The following CCDC146 variants were observed in gnomAD, a reference collection of about 807,000 sequenced individuals.
CCDC146 encodes coiled-coil domain containing 146.
Under a neutral mutation model 119.3 loss-of-function variants are expected in CCDC146, and 92 were observed. The observed-to-expected ratio is 0.77, with a 90% CI of 0.65 to 0.92. The LOEUF (loss-of-function observed/expected upper bound fraction) is 0.92. Among genes scored for constraint, CCDC146 ranks in the 40% least tolerant of loss-of-function variants. The probability of loss-of-function intolerance (pLI) is 0.00; values close to 1 mark genes in which losing one functional copy is unlikely to be tolerated. For missense variants in CCDC146, 1,000 were observed against 1,103.0 expected (o/e 0.91, Z 1.32); for synonymous variants, 372 against 371.8 (o/e 1.00, Z -0.01).
intron 11 of CCDC146, among the ~76,000 whole-genome samples, chr7:77,276,392 CA>C (rs1457470247): frequency 6.6e-6 from 1 of 151,680 alleles, no homozygotes; most frequent in East Asian, 1.9e-4. Flanking sequence ...TAGATTTTTG[CA>C]AAAAAGAGAA....
chr7:77,277,298 G>A (rs965594019), intron 11 of CCDC146, among the ~76,000 whole-genome samples: 6 of 151,982 alleles, frequency 3.9e-5, no homozygotes, highest in East Asian at 1.9e-4. Context: ...ACACTGATCC[G>A]TTTTATGAAT....
In CCDC146 at chr7:77,192,645, C is replaced by G. The variant is rs554535663; in HGVS notation, c.156+24821C>G. Among the ~76,000 whole-genome samples, 8 of 152,266 alleles carry G rather than the reference C, an allele frequency of 5.3e-5. No individual in the cohort carries two copies. The East Asian group carries it at 1.5e-3, about 29-fold the overall frequency. Reference sequence around the variant, plus strand: ...CTTGTAGAAAATAAGGCATTGTTGGCCGGGCACGGTGGCTAATGCCTGTAA... The same window carrying G: ...CTTGTAGAAAATAAGGCATTGTTGGGCGGGCACGGTGGCTAATGCCTGTAA... On this transcript the variant is annotated intron_variant, in intron 2 of 18. Coordinates refer to ENST00000285871, the MANE Select transcript of CCDC146 (RefSeq NM_020879.3).
chr7:77,220,547 T>C (rs1185422807), intron 2 of CCDC146, among the ~76,000 whole-genome samples: 3 of 152,202 alleles, frequency 2.0e-5, no homozygotes, highest in Non-Finnish European at 4.4e-5. Context: ...AATTGATAAA[T>C]GTCCATGACA....
intron 6 of CCDC146, among the ~76,000 whole-genome samples, chr7:77,258,697 C>T (rs1584119023): frequency 2.0e-5 from 3 of 152,138 alleles, no homozygotes; most frequent in African/African-American, 7.2e-5. Flanking sequence ...CAACTTACAA[C>T]GGGTTTATTG....
At chr7:77,223,836 G>C (rs1292491527) in intron 2 of CCDC146, among the ~76,000 whole-genome samples, 1 of 149,156 alleles carries the variant, frequency 6.7e-6, no homozygotes, top group Non-Finnish European at 1.5e-5. Flanking sequence ...ACAGTCTAAT[G>C]GGGGGGTAAA....
At chr7:77,205,666 G>A (rs1480914990) in intron 2 of CCDC146, among the ~76,000 whole-genome samples, 2 of 152,210 alleles carry the variant, frequency 1.3e-5, no homozygotes, top group African/African-American at 4.8e-5. Context: ...GGCTGAAGCA[G>A]GAAGATCACT....
intron 17 of CCDC146, among the ~76,000 whole-genome samples, chr7:77,288,506 C>G (rs777785767): frequency 6.6e-6 from 1 of 152,330 alleles, no homozygotes; most frequent in East Asian, 1.9e-4. Flanking sequence ...GGGACTCACT[C>G]CTTCCTCAGT....
At chr7:77,200,697 C>A (rs1791971769) in intron 2 of CCDC146, among the ~76,000 whole-genome samples, 1 of 152,200 alleles carries the variant, frequency 6.6e-6, no homozygotes, top group South Asian at 2.1e-4. Context: ...GCTGGTTCTT[C>A]TACCTGCTCT....
intron 2 of CCDC146, among the ~76,000 whole-genome samples, chr7:77,190,952 G>GGT (rs1791752561): frequency 6.6e-6 from 1 of 151,906 alleles, no homozygotes; most frequent in Non-Finnish European, 1.5e-5. Context: ...AATTCAGTAG[G>GGT]GTGGAACAAT....
intron 3 of CCDC146, among the ~76,000 whole-genome samples, chr7:77,237,313 C>T (rs574877535): frequency 6.6e-6 from 1 of 152,320 alleles, no homozygotes; most frequent in African/African-American, 2.4e-5. Context: ...CACCTCAGCA[C>T]TCTCCCACTG....
intron 2 of CCDC146, among the ~76,000 whole-genome samples, chr7:77,180,636 T>C (rs1791572421): frequency 6.6e-6 from 1 of 152,026 alleles, no homozygotes; most frequent in African/African-American, 2.4e-5. Context: ...AGGCAGAGGT[T>C]GCAGTGAGCC....
intron 2 of CCDC146, among the ~76,000 whole-genome samples, chr7:77,214,958 C>T (rs1178987535): frequency 6.6e-6 from 1 of 152,090 alleles, no homozygotes; most frequent in East Asian, 1.9e-4. Flanking sequence ...TAATACTTGC[C>T]TGGGTCTATT....
intron 2 of CCDC146, chr7:77,198,886 TA>T: frequency 2.2e-6 from 1 of 452,948 alleles, no homozygotes; most frequent in Non-Finnish European, 3.9e-6. Context: ...TTAAATGCAC[TA>T]AAACATCAAG....
intron 17 of CCDC146, among the ~76,000 whole-genome samples, chr7:77,292,300 A>ATTTT (rs1793959626): frequency 1.6e-5 from 1 of 61,782 alleles, no homozygotes; most frequent in African/African-American, 8.2e-5. Flanking sequence ...TCTTTATTTT[A>ATTTT]ATTTTTTTTT....
chr7:77,131,580 T>C (rs913922987), intron 1 of CCDC146, among the ~76,000 whole-genome samples: 1 of 152,004 alleles, frequency 6.6e-6, no homozygotes, highest in Non-Finnish European at 1.5e-5. Context: ...TACCCAGGCA[T>C]GGTGGTGGGT....
At chr7:77,228,030 C>T (rs1196301372) in intron 2 of CCDC146, among the ~76,000 whole-genome samples, 1 of 152,228 alleles carries the variant, frequency 6.6e-6, no homozygotes, top group East Asian at 1.9e-4. Context: ...TGTGTCTTCC[C>T]TGTACCAGAC....
Position 77,279,051 on chromosome 7 carries a change from G to A in CCDC146, c.1644G>A (p.Met548Ile), listed in dbSNP as rs1793712328. ...KVNEIKERHK[M>I]SLNELEILRN... ...ATGAAATAAAAGAAAGGCATAAAAT[G>A]TCATTAAATGAACTTGAAATTCTGA... Residue 548 changes from methionine to isoleucine, a missense_variant, in exon 13 of 19, where the codon ATG (methionine) becomes ATA (isoleucine). By Grantham distance (10) the Met-to-Ile change is conservative. Around this residue, in one of 2 missense-constraint regions of CCDC146, gnomAD observed 985 missense variants for 1,045.3 expected, o/e 0.94. Coordinates refer to ENST00000285871, the MANE Select transcript of CCDC146 (RefSeq NM_020879.3). 1 of 1,609,206 alleles carries A rather than the reference G, an allele frequency of 6.2e-7. No homozygotes were observed. The highest frequency in any genetic ancestry group is 8.5e-7 in the Non-Finnish European group (1 of 1,176,872).
At position 77,199,278 on chromosome 7, in the gene CCDC146, A is replaced by G. The variant is rs149629637; in HGVS notation, c.156+31454A>G. ...TTAGATTTGCCACTTTGCTGTCAAC[A>G]TAATTTTCTATGTTGTTCATATTTA... On this transcript the variant is annotated intron_variant, in intron 2 of 18. Coordinates refer to ENST00000285871, the MANE Select transcript of CCDC146 (RefSeq NM_020879.3). 45 of 1,614,002 alleles carry G rather than the reference A, an allele frequency of 2.8e-5. No homozygotes were observed. The African/African-American group carries it at 5.7e-4, about 21-fold the overall frequency.
chr7:77,147,664 C>A (rs1224301725), intron 1 of CCDC146, among the ~76,000 whole-genome samples: 1 of 152,212 alleles, frequency 6.6e-6, no homozygotes, highest in Non-Finnish European at 1.5e-5. Context: ...TTGGAGTTTG[C>A]TGGAGGTCCA....
Sources: gnomAD v4.1 joint callset for allele counts (sites outside exome capture counted in the v4.1 genomes callset) on GRCh38, gnomAD v4.1.1 for gene constraint, gnomAD v4.1.1 regional missense constraint, MANE v1.5 for transcripts, NCBI Gene and HGNC (gene_info 2026-07-23, HGNC 2026-07-21) for gene names.